The following NLGN1 variants were observed in gnomAD, a reference collection of about 807,000 sequenced individuals.
NLGN1 encodes neuroligin-1.
NLGN1 carries 12 observed loss-of-function variants against 65.5 expected under a neutral mutation model. That is an observed-to-expected ratio of 0.18 (90% CI 0.12 to 0.30). NLGN1 has a LOEUF of 0.30. NLGN1 is among the 10% of genes least tolerant of loss of function. The probability of loss-of-function intolerance (pLI) is 1.00; values close to 1 mark genes in which losing one functional copy is unlikely to be tolerated. For missense variants in NLGN1, 750 were observed against 1,007.1 expected, an observed-to-expected ratio of 0.74 and a Z score of 3.46; for synonymous variants, 350 against 359.5, an observed-to-expected ratio of 0.97 and a Z score of 0.30.
intron 4 of NLGN1, among the ~76,000 whole-genome samples, chr3:174,255,435 C>CAAAAAAAAAAAAAAAAAAAAAAAAAAA (rs71162383): frequency 4.3e-5 from 3 of 70,232 alleles, no homozygotes; most frequent in Admixed American, 1.8e-4. Flanking sequence ...GACTCTGTCT[C>CAAAAAAAAAAAAAAAAAAAAAAAAAAA]AAAAAAAAAA....
intron 3 of NLGN1, among the ~76,000 whole-genome samples, chr3:173,716,695 G>A (rs1337901630): frequency 6.6e-6 from 1 of 152,162 alleles, no homozygotes. Flanking sequence ...ATGAGTTTTA[G>A]TGTTGCTGGG....
At chr3:174,088,708 G>A (rs1743910572) in intron 4 of NLGN1, among the ~76,000 whole-genome samples, 1 of 151,264 alleles carries the variant, frequency 6.6e-6, no homozygotes, top group African/African-American at 2.4e-5. Flanking sequence ...AGCCGAGATC[G>A]CGCCACTGCA....
chr3:174,120,901 C>T lies in NLGN1; in HGVS notation c.647-154414C>T, dbSNP rs902544844. Among the ~76,000 whole-genome samples the T allele has an allele frequency of 7.9e-5, 12 of 152,166 alleles. No homozygotes were observed. The East Asian group carries it at 2.1e-3, about 27-fold the overall frequency. On this transcript the variant is annotated intron_variant, in intron 4 of 6. Coordinates refer to ENST00000457714, the Ensembl canonical transcript of NLGN1. ...GCTTCACTGCTCACGACTCTACTGGCTATATTCCTGACTCTTGCTATAAGG... is the reference window on the plus strand; with the variant it reads ...GCTTCACTGCTCACGACTCTACTGGTTATATTCCTGACTCTTGCTATAAGG...
chr3:174,124,746 C>T (rs989433828), intron 4 of NLGN1, among the ~76,000 whole-genome samples: 3 of 150,310 alleles, frequency 2.0e-5, no homozygotes, highest in Non-Finnish European at 4.4e-5. Flanking sequence ...ACATATATTA[C>T]ACACGTATAT....
chr3:173,720,645 A>G (rs1015436938), intron 3 of NLGN1, among the ~76,000 whole-genome samples: 2 of 152,192 alleles, frequency 1.3e-5, no homozygotes, highest in Admixed American at 6.5e-5. Flanking sequence ...AAAACTAAAC[A>G]TTTTATTTGT....
At chr3:173,517,040 T>C (rs1733926881) in intron 2 of NLGN1, among the ~76,000 whole-genome samples, 1 of 137,944 alleles carries the variant, frequency 7.2e-6, no homozygotes, top group African/African-American at 3.6e-5. Context: ...TGCCACTTAG[T>C]AGGCAATTAA....
At chr3:173,833,472 G>C (rs1484655845) in intron 4 of NLGN1, among the ~76,000 whole-genome samples, 1 of 150,596 alleles carries the variant, frequency 6.6e-6, no homozygotes, top group Non-Finnish European at 1.5e-5. Context: ...TTTGTCCTTT[G>C]TCTATGCATG....
chr3:173,518,390 A>G (rs1413695760), intron 2 of NLGN1, among the ~76,000 whole-genome samples: 1 of 151,368 alleles, frequency 6.6e-6, no homozygotes, highest in African/African-American at 2.4e-5. Flanking sequence ...AGTTATAGAT[A>G]TTTATATGTA....
intron 4 of NLGN1, among the ~76,000 whole-genome samples, chr3:174,223,261 A>G (rs1310319170): frequency 1.3e-5 from 2 of 152,060 alleles, no homozygotes; most frequent in African/African-American, 4.8e-5. Context: ...TACCGTGCCA[A>G]TTCTGCTTTT....
intron 4 of NLGN1, among the ~76,000 whole-genome samples, chr3:174,010,904 G>T (rs1056827953): frequency 2.6e-5 from 4 of 152,044 alleles, no homozygotes; most frequent in African/African-American, 9.7e-5. Context: ...AACTTTCAAG[G>T]TCAAAGAGGG....
intron 4 of NLGN1, among the ~76,000 whole-genome samples, chr3:174,086,845 C>G (rs986845540): frequency 6.6e-6 from 1 of 151,960 alleles, no homozygotes; most frequent in African/African-American, 2.4e-5. Flanking sequence ...TTGTGTTTGG[C>G]ACAGTTATTT....
At chr3:173,965,009 T>A (rs371825398) in intron 4 of NLGN1, among the ~76,000 whole-genome samples, 2 of 152,186 alleles carry the variant, frequency 1.3e-5, no homozygotes, top group South Asian at 4.1e-4. Flanking sequence ...AATAGTGGTA[T>A]TCTGAAATTT....
chr3:174,091,381 A>G (rs1413120726), intron 4 of NLGN1, among the ~76,000 whole-genome samples: 1 of 152,372 alleles, frequency 6.6e-6, no homozygotes, highest in East Asian at 1.9e-4. Context: ...GTTGAAAACA[A>G]ATGCCTTTCA....
chr3:173,766,632 G>C (rs543503682), intron 3 of NLGN1, among the ~76,000 whole-genome samples: 39 of 152,200 alleles, frequency 2.6e-4, no homozygotes, highest in East Asian at 1.5e-3. Context: ...GAAACAGGAC[G>C]AGGTTAAGTC....
intron 2 of NLGN1, among the ~76,000 whole-genome samples, chr3:173,594,576 A>G (rs13059221): frequency 3.9e-5 from 6 of 152,158 alleles, no homozygotes; most frequent in African/African-American, 9.7e-5. Flanking sequence ...GGGTGGATCT[A>G]CCATTCTGGG....
At chr3:173,471,021 A>G (rs1725232431) in intron 2 of NLGN1, among the ~76,000 whole-genome samples, 3 of 152,112 alleles carry the variant, frequency 2.0e-5, no homozygotes, top group African/African-American at 7.2e-5. Flanking sequence ...TGAGCAAACA[A>G]AAATTCTAAT....
chr3:174,079,495 A>G (rs1741698614), intron 4 of NLGN1, among the ~76,000 whole-genome samples: 1 of 152,224 alleles, frequency 6.6e-6, no homozygotes, highest in Non-Finnish European at 1.5e-5. Context: ...TTCCTCAAAG[A>G]CGTAAAAACA....
chr3:174,196,213 T>C (rs546818783), intron 4 of NLGN1, among the ~76,000 whole-genome samples: 4 of 152,222 alleles, frequency 2.6e-5, no homozygotes, highest in African/African-American at 9.6e-5. Flanking sequence ...GAATTCTTCA[T>C]AACCCAGAAC....
At chr3:173,870,525 G>A (rs1000634336) in intron 4 of NLGN1, among the ~76,000 whole-genome samples, 2 of 152,130 alleles carry the variant, frequency 1.3e-5, no homozygotes, top group African/African-American at 2.4e-5. Context: ...AAAGGGGGCT[G>A]TTTTGGTTTT....
Sources: gnomAD v4.1 joint callset for allele counts (sites outside exome capture counted in the v4.1 genomes callset) on GRCh38, gnomAD v4.1.1 for gene constraint, MANE v1.5 for transcripts, NCBI Gene and HGNC (gene_info 2026-07-23, HGNC 2026-07-21) for gene names.